CEP164: variants seen among roughly 807,000 people sequenced by gnomAD.
CEP164 encodes centrosomal protein 164.
A neutral mutation model predicts 182.7 loss-of-function variants in CEP164; 162 were observed. The observed-to-expected ratio is 0.89, with a 90% CI of 0.78 to 1.01. The LOEUF (loss-of-function observed/expected upper bound fraction) is 1.01, where lower values mean the gene tolerates loss of function less well. Ranked by LOEUF, CEP164 falls within the 50% of genes least tolerant of loss-of-function variation. The pLI is 0.00. For missense variants in CEP164, 1,735 were observed against 1,790.4 expected (o/e 0.97, Z 0.56); for synonymous variants, 661 against 690.0 (o/e 0.96, Z 0.66).
Position 117,394,474 on chromosome 11 carries a change from G to A in CEP164, c.2741G>A (p.Arg914Gln), listed in dbSNP as rs550799764. ...QEQHKRLEDL[R>Q]RRHREQERKL... is the part of the protein sequence containing the mutation. ...CAACACAAGCGTCTTGAGGACTTGC[G>A]GCGCCGGCACAGGGAGCAGGTGAGG... The change falls in exon 21 of 33, where the codon CGG becomes CAG. Residue 914 changes from arginine (R) to glutamine (Q), a missense_variant. Physicochemically the swap from Arg to Gln is conservative, Grantham distance 43 (BLOSUM62 1). Transcript: ENST00000278935. The surrounding 1 kb of genome is among the most constrained non-coding windows in gnomAD (Gnocchi z 4.0). 3.1e-6 allele frequency: 5 copies of A among 1,613,956 alleles called. No individual in the cohort carries two copies. Among genetic ancestry groups the A allele is most frequent in the African/African-American group, 1.3e-5 (1 of 75,040 alleles).
At chr11:117,346,892 A>G (rs766368226) in intron 4 of CEP164, among the ~76,000 whole-genome samples, 28 of 152,132 alleles carry the variant, frequency 1.8e-4, no homozygotes, top group Non-Finnish European at 3.4e-4. Flanking sequence ...ATTAAAATGT[A>G]GGTATATATA....
chr11:117,339,056 G>C (rs543498442), intron 3 of CEP164, among the ~76,000 whole-genome samples: 1 of 152,216 alleles, frequency 6.6e-6, no homozygotes, highest in East Asian at 1.9e-4. Context: ...GACCTCAAGC[G>C]GTTTGCCTGC....
chr11:117,395,028 A>G, intron 22 of CEP164, 25 bp downstream of exon 22: 15 of 1,613,486 alleles, frequency 9.3e-6, no homozygotes, highest in Non-Finnish European at 1.3e-5. Context: ...GGAGTCCTTG[A>G]CCTCAGAGTC....
intron 11 of CEP164, among the ~76,000 whole-genome samples, chr11:117,376,197 G>A (rs970531072): frequency 4.6e-5 from 7 of 152,136 alleles, no homozygotes; most frequent in East Asian, 1.9e-4. Flanking sequence ...CCTCCGCCAC[G>A]CCTCTGCCTG....
At chr11:117,352,034 T>C (rs1456576198) in intron 5 of CEP164, 46 bp downstream of exon 5, 3 of 1,510,238 alleles carry the variant, frequency 2.0e-6, no homozygotes, top group Admixed American at 2.1e-5. Flanking sequence ...GGCTGAAATC[T>C]GGAGGGATGT....
At chr11:117,349,649 C>G (rs2039375998) in intron 4 of CEP164, among the ~76,000 whole-genome samples, 1 of 152,032 alleles carries the variant, frequency 6.6e-6, no homozygotes, top group Admixed American at 6.6e-5. Context: ...TGGTGCCCAG[C>G]TATTTTAAAA....
At chr11:117,396,282 C>A in intron 25 of CEP164, 102 bp downstream of exon 25, 1 of 1,339,134 alleles carries the variant, frequency 7.5e-7, no homozygotes, top group Non-Finnish European at 1.1e-6. Context: ...GACAGCTCAT[C>A]AGGAGGGGTG....
At chr11:117,333,143 G>A (rs984129032) in intron 1 of CEP164, among the ~76,000 whole-genome samples, 1 of 152,116 alleles carries the variant, frequency 6.6e-6, no homozygotes, top group African/African-American at 2.4e-5. Context: ...CCCCCAAGTA[G>A]CTGGGACTAC....
intron 5 of CEP164, chr11:117,356,534 A>C (rs1168636773): frequency 1.2e-5 from 15 of 1,289,300 alleles, no homozygotes; most frequent in Non-Finnish European, 1.4e-5. Context: ...GCCAAGCAGC[A>C]GCACCCTCAG....
At position 117,361,837 on chromosome 11, in the gene CEP164, C is replaced by T. The variant is rs145551039; in HGVS notation, c.396C>T (p.Ala132=). Residue 132 remains alanine, a splice_region_variant and synonymous_variant, in exon 6 of 33, where the codon GCC becomes GCT. Transcript: ENST00000278935. ...ACAAGATGTTTTCTGTTGCACAGGC[C>T]TTGGGTTCCTCATTAGCCCCAGTTC... ...KDRDPPKSSL[A]LGSSLAPVHV... 24 of 1,614,090 alleles carry T rather than the reference C, an allele frequency of 1.5e-5. No homozygotes were observed. Among genetic ancestry groups the T allele is most frequent in the Middle Eastern group, 3.3e-4 (2 of 6,080 alleles).
intron 4 of CEP164, among the ~76,000 whole-genome samples, chr11:117,350,842 T>C (rs1295868971): frequency 2.0e-4 from 30 of 152,144 alleles, no homozygotes; most frequent in Admixed American, 2.0e-3. Context: ...ACATTTTAGG[T>C]TTATGTGTGA....
chr11:117,395,836 G>T (rs2045362370), intron 24 of CEP164, 114 bp downstream of exon 24: 4 of 1,335,312 alleles, frequency 3.0e-6, no homozygotes, highest in Non-Finnish European at 4.1e-6. Flanking sequence ...CAGCTTGGGA[G>T]CTAGGCAGAA....
chr11:117,350,897 T>C (rs1281552036), intron 4 of CEP164, among the ~76,000 whole-genome samples: 2 of 152,230 alleles, frequency 1.3e-5, no homozygotes, highest in African/African-American at 2.4e-5. Flanking sequence ...GCTGTCCTAA[T>C]AGATTGTTGT....
In CEP164 at chr11:117,351,772, A is replaced by C; in HGVS notation, c.195-18A>C. On this transcript the variant is annotated intron_variant, in intron 4 of 32. Transcript: ENST00000278935. The stretch of plus-strand genomic sequence containing the variant: ...GTATCTGAGCAGGGACTAACTTCTG[A>C]ACTCTGCCCATCCCCAGCCAGGACA... The C allele has an allele frequency of 6.2e-7, 1 of 1,607,990 alleles. No individual in the cohort carries two copies. The highest frequency in any genetic ancestry group is 8.5e-7 in the Non-Finnish European group (1 of 1,177,780).
rs61740738 is a variant in CEP164, at chr11:117,397,144, G to A, written c.3332G>A (p.Arg1111His). The change falls in exon 27 of 33, where the codon CGT becomes CAT. Residue 1111 changes from arginine to histidine, a missense_variant. Arg to His is a conservative substitution (Grantham distance 29). Transcript: ENST00000278935. ...CTCTCTGCTGAGGGGGTAGCCCTCC[G>A]TAGTGCCAAGGAGTTCCTTGTGCAG... ...HLLSAEGVAL[R>H]SAKEFLVQQT... 2.2e-4 allele frequency: 357 copies of A among 1,614,198 alleles called. No homozygotes were observed. The African/African-American group carries it at 3.9e-3, about 18-fold the overall frequency.
chr11:117,324,598 T>TG (rs1172901945), upstream of CEP164, among the ~76,000 whole-genome samples: 1 of 152,232 alleles, frequency 6.6e-6, no homozygotes, highest in Non-Finnish European at 1.5e-5. Context: ...TGTTGATTTG[T>TG]GTGAAGGTAA....
In CEP164 at chr11:117,409,980, G is replaced by A. The variant is rs200690593; in HGVS notation, c.4096+15G>A. 47 of 1,611,862 alleles carry A rather than the reference G, an allele frequency of 2.9e-5. 1 individual carries two copies. Among genetic ancestry groups the A allele is most frequent in the Middle Eastern group, 1.7e-4 (1 of 6,056 alleles). On this transcript the variant is annotated intron_variant, in intron 30 of 32. Transcript: ENST00000278935. The surrounding 1 kb of genome is among the most constrained non-coding windows in gnomAD (Gnocchi z 4.4). ...GTATTTTCCATGTAAGCCCCACTCT[G>A]GGCGGAGCCTTCCCACCTGCCTCCT...
chr11:117,358,809 A>G (rs1002802575), intron 5 of CEP164, among the ~76,000 whole-genome samples: 1 of 152,090 alleles, frequency 6.6e-6, no homozygotes, highest in Non-Finnish European at 1.5e-5. Flanking sequence ...TACTGGGGTT[A>G]TAGGTGTCAG....
At position 117,375,738 on chromosome 11, in the gene CEP164, C is replaced by CTGGCTGG. The variant is rs2042674113; in HGVS notation, c.1264_1265insTGGCTGG (p.His422LeufsTer8). ...CGGTTTTCGCAGCCGGATCTCGGAG[C>CTGGCTGG]ACCTGCTGGATGTTGATGTGCTTTC... On this transcript the variant is annotated frameshift_variant, in exon 11 of 33. Coordinates refer to ENST00000278935, the MANE Select transcript of CEP164 (RefSeq NM_014956.5). LOFTEE classifies it high-confidence loss of function. 1.2e-6 allele frequency: 2 copies of CTGGCTGG among 1,614,126 alleles called. No homozygotes were observed. The highest frequency in any genetic ancestry group is 2.7e-5 in the African/African-American group (2 of 75,036).
Sources: allele counts gnomAD v4.1 joint callset (sites outside exome capture counted in the v4.1 genomes callset), GRCh38; gene constraint gnomAD v4.1.1; non-coding constraint Gnocchi (gnomAD v3.1); transcripts MANE v1.5; gene names NCBI Gene and HGNC (gene_info 2026-07-23, HGNC 2026-07-21).